Variants in PDE4DIP observed in about 807,000 individuals in gnomAD.
PDE4DIP encodes myomegalin.
Under a neutral mutation model 221.4 loss-of-function variants are expected in PDE4DIP, and 59 were observed. The ratio of observed to expected loss-of-function variants is 0.27; its 90% CI spans 0.22 to 0.33. The LOEUF (loss-of-function observed/expected upper bound fraction) is 0.33, where lower values mean the gene tolerates loss of function less well. PDE4DIP is among the 10% of genes least tolerant of loss of function. PDE4DIP has a pLI of 1.00. For missense variants in PDE4DIP, 1,036 were observed against 2,154.2 expected, an observed-to-expected ratio of 0.48 and a Z score of 10.28; for synonymous variants, 404 against 815.9, an observed-to-expected ratio of 0.50 and a Z score of 8.60.
Position 148,964,418 on chromosome 1 carries a change from A to T in PDE4DIP, c.1195-1066A>T, listed in dbSNP as rs587607643. On this transcript the variant is annotated intron_variant, in intron 9 of 43. Transcript: ENST00000369354. ...CCACCACGCTGGGCCAAAATACACA[A>T]CTCTTAAATGGTTCCTTTATCTTGT... 8.4e-3 allele frequency among the ~76,000 whole-genome samples: 1,272 copies of T among 150,784 alleles called. 17 individuals are homozygous for T. The highest frequency in any genetic ancestry group is 0.029 in the African/African-American group (1,185 of 40,992).
rs112629810 is a variant in PDE4DIP, at chr1:149,020,328, C to T, written c.5952C>T (p.Asn1984=). ...AGGAACGTCTTTCCCTCCAGGAAAA[C>T]GACTCCAGGTAAGAGGGGACCCATT... Residue 1984 remains asparagine (N), a synonymous_variant, in exon 36 of 44, where the codon AAC becomes AAT. Transcript: ENST00000369354. The T allele has an allele frequency of 8.9e-5, 43 of 485,256 alleles. No individual in the cohort carries two copies. The Middle Eastern group carries it at 1.6e-3, about 18-fold the overall frequency. 30.1% of individuals were successfully genotyped at this position (485,256 alleles called of 1,614,324 possible).
chr1:149,029,756 T>C (rs1434063117), intron 41 of PDE4DIP, 31 bp from the exon 45 acceptor site: 2 of 1,163,636 alleles, frequency 1.7e-6, no homozygotes, highest in Non-Finnish European at 2.5e-6. Flanking sequence ...GCCTTCTGCC[T>C]GGTCAGTAAG....
exon 44 of PDE4DIP, chr1:149,033,003 T>TA (rs2077046668): frequency 5.6e-6 from 1 of 178,018 alleles, no homozygotes; most frequent in East Asian, 9.2e-5. Flanking sequence ...AAGAAATAAA[T>TA]AGTTTTTCTT....
At chr1:148,879,035 GT>G (rs78320261) in intron 3 of PDE4DIP, among the ~76,000 whole-genome samples, 162 of 59,138 alleles carry the variant, frequency 2.7e-3, no homozygotes, top group African/African-American at 6.6e-3. Flanking sequence ...GTTTTGTTTT[GT>G]TTTTTTTTTT....
intron 4 of PDE4DIP, among the ~76,000 whole-genome samples, chr1:148,933,009 A>G (rs2996429): frequency 6.6e-6 from 1 of 152,138 alleles, no homozygotes; most frequent in African/African-American, 2.4e-5. Context: ...CCAGACATTG[A>G]ACCTGTCAGT....
intron 1 of PDE4DIP, among the ~76,000 whole-genome samples, chr1:148,838,787 C>T (rs1369971269): frequency 5.1e-5 from 3 of 59,256 alleles, no homozygotes; most frequent in African/African-American, 1.1e-4. Flanking sequence ...TTCTATTTTC[C>T]CACATTATCA....
rs782344493 is a variant in PDE4DIP at position 149,028,586 on chromosome 1, G to T, written c.6696G>T (p.Glu2232Asp). 3.7e-5 allele frequency: 59 copies of T among 1,610,876 alleles called. No individual in the cohort carries two copies. In the Middle Eastern group the frequency reaches 6.8e-4, roughly 19 times the overall value. The change falls in exon 41 of 44, where the codon GAG (glutamate) becomes GAT (aspartate). Residue 2232 changes from glutamate to aspartate, a missense_variant. Physicochemically the swap from Glu to Asp is conservative, Grantham distance 45 (BLOSUM62 2). Coordinates refer to ENST00000369354, the Ensembl canonical transcript of PDE4DIP. ...TGCTAGGCAGCAAAGGTATTCATGAGCTTCGGAGCAGCACCAGTGCCCTGC... is the reference window on the plus strand; with the variant it reads ...TGCTAGGCAGCAAAGGTATTCATGATCTTCGGAGCAGCACCAGTGCCCTGC...
Position 149,031,410 on chromosome 1 carries a change from CTG to C in PDE4DIP, c.7000-531_7000-530del, listed in dbSNP as rs1409753842. 7.9e-5 allele frequency among the ~76,000 whole-genome samples: 12 copies of C among 151,578 alleles called. No homozygotes were observed. The East Asian group carries it at 2.2e-3, about 27-fold the overall frequency. On this transcript the variant is annotated intron_variant, in intron 43 of 43. Coordinates refer to ENST00000369354, the Ensembl canonical transcript of PDE4DIP. ...GTGGCTTTGGCTTGTCCCTTAGTCT[CTG>C]TGAGACTGCTGCACCCTCATCTGTC... is the stretch of plus-strand genomic sequence containing the variant.
At chr1:148,914,818 G>T (rs4649721) in intron 1 of PDE4DIP, among the ~76,000 whole-genome samples, 5,236 of 115,346 alleles carry the variant, frequency 0.045, 3 homozygotes, top group East Asian at 0.35. Flanking sequence ...AAAGGAATGG[G>T]GCATACCTGA....
At chr1:148,979,440 T>A (rs2060733795) in intron 19 of PDE4DIP, among the ~76,000 whole-genome samples, 1 of 152,214 alleles carries the variant, frequency 6.6e-6, no homozygotes, top group African/African-American at 2.4e-5. Context: ...TATATACATT[T>A]CCCTCTTGTC....
intron 1 of PDE4DIP, among the ~76,000 whole-genome samples, chr1:148,920,085 C>T (rs2150151964): frequency 6.7e-6 from 1 of 149,560 alleles, no homozygotes; most frequent in Non-Finnish European, 1.5e-5. Flanking sequence ...TGAATGTATG[C>T]TGGTATGCTG....
In PDE4DIP at chr1:149,029,948, G is replaced by C. The variant is rs782435567; in HGVS notation, c.6952+23G>C. On this transcript the variant is annotated intron_variant, in intron 42 of 43. Transcript: ENST00000369354. ...AGCGTAGGTTCCCTGAGAGGGAATG[G>C]GGGAAGAAACAGGCAGTCTTCCCGA... 4 of 1,182,806 alleles carry C rather than the reference G, an allele frequency of 3.4e-6. No individual in the cohort carries two copies. In the Admixed American group the frequency reaches 6.1e-5, roughly 18 times the overall value. The allele number at this position is 1,182,806 out of a possible 1,614,324, so 73.3% of individuals were successfully genotyped here.
chr1:148,992,102 A>G (rs2063223669), intron 22 of PDE4DIP, 129 bp downstream of exon 25: 1 of 998,914 alleles, frequency 1.0e-6, no homozygotes, highest in Admixed American at 1.9e-5. Context: ...CTTCTCAGTC[A>G]TCTTCCTGTT....
At chr1:148,925,182 TAGAG>T (rs2046444984) in intron 1 of PDE4DIP, among the ~76,000 whole-genome samples, 1 of 76,468 alleles carries the variant, frequency 1.3e-5, no homozygotes, top group Non-Finnish European at 2.1e-5. Context: ...ATGAGGCTCT[TAGAG>T]AGGGCAGGTG....
intron 37 of PDE4DIP, 110 bp downstream of exon 40, chr1:149,021,263 T>C (rs1699813): frequency 0.052 from 38,285 of 739,942 alleles, 1,907 homozygotes; most frequent in African/African-American, 0.19. Flanking sequence ...AGAGTTCTGT[T>C]GCAGAAACCC....
At chr1:148,946,973 C>A (rs2051898328) in intron 5 of PDE4DIP, among the ~76,000 whole-genome samples, 1 of 152,198 alleles carries the variant, frequency 6.6e-6, no homozygotes, top group South Asian at 2.1e-4. Flanking sequence ...CCCATACTAA[C>A]CTCTACTTTT....
intron 17 of PDE4DIP, among the ~76,000 whole-genome samples, chr1:148,976,205 T>A (rs2060141081): frequency 6.6e-6 from 1 of 152,258 alleles, no homozygotes; most frequent in African/African-American, 2.4e-5. Flanking sequence ...TGCCTATGAA[T>A]GGGTATTTTG....
intron 37 of PDE4DIP, among the ~76,000 whole-genome samples, chr1:149,022,464 G>A (rs1263211207): frequency 4.6e-5 from 7 of 152,154 alleles, no homozygotes; most frequent in African/African-American, 1.7e-4. Context: ...AAAGAGTGAA[G>A]GGCAGTGGAA....
intron 1 of PDE4DIP, among the ~76,000 whole-genome samples, chr1:148,817,642 G>A (rs1303847346): frequency 1.9e-5 from 1 of 52,126 alleles, no homozygotes; most frequent in Non-Finnish European, 3.2e-5. Flanking sequence ...GATCACTGAT[G>A]CTCTGTTCAC....
Sources: gnomAD v4.1 joint callset for allele counts (sites outside exome capture counted in the v4.1 genomes callset) on GRCh38, gnomAD v4.1.1 for gene constraint, MANE v1.5 for transcripts, NCBI Gene and HGNC (gene_info 2026-07-23, HGNC 2026-07-21) for gene names.